Variants in NR3C2 observed in about 807,000 individuals in gnomAD.
NR3C2 encodes mineralocorticoid receptor.
Under a neutral mutation model 86.4 loss-of-function variants are expected in NR3C2, and 15 were observed. The ratio of observed to expected loss-of-function variants is 0.17; its 90% CI spans 0.12 to 0.27. The LOEUF (loss-of-function observed/expected upper bound fraction) is 0.27, where lower values mean the gene tolerates loss of function less well. Ranked by LOEUF, NR3C2 falls within the 10% of genes least tolerant of loss-of-function variation. The probability of loss-of-function intolerance (pLI) is 1.00; values close to 1 mark genes in which losing one functional copy is unlikely to be tolerated. For missense variants in NR3C2, 960 were observed against 1,195.6 expected, an observed-to-expected ratio of 0.80 and a Z score of 2.91; for synonymous variants, 458 against 450.5, an observed-to-expected ratio of 1.02 and a Z score of -0.21.
At chr4:148,397,422 T>C (rs1291320288) in intron 2 of NR3C2, among the ~76,000 whole-genome samples, 1 of 152,230 alleles carries the variant, frequency 6.6e-6, no homozygotes, top group Non-Finnish European at 1.5e-5. Context: ...CTAAGAACTA[T>C]GAGGCCTTTG....
chr4:148,235,488 T>C (rs3910045), intron 3 of NR3C2, among the ~76,000 whole-genome samples: 144,026 of 152,112 alleles, frequency 0.95, 68,679 homozygotes, highest in East Asian at 1. Flanking sequence ...AAGCTTTTCA[T>C]AAAAATAAGA....
intron 8 of NR3C2, among the ~76,000 whole-genome samples, chr4:148,091,333 C>T (rs968918315): frequency 6.6e-6 from 1 of 152,248 alleles, no homozygotes; most frequent in Admixed American, 6.5e-5. Flanking sequence ...CAACCCTGGC[C>T]TGCTACAGCC....
chr4:148,367,196 G>T (rs1320190718), intron 2 of NR3C2, among the ~76,000 whole-genome samples: 1 of 152,106 alleles, frequency 6.6e-6, no homozygotes, highest in African/African-American at 2.4e-5. Context: ...TAATAAAGTG[G>T]ATTTGTCATG....
At chr4:148,125,546 TA>T (rs1211969208) in intron 6 of NR3C2, among the ~76,000 whole-genome samples, 3 of 152,242 alleles carry the variant, frequency 2.0e-5, no homozygotes, top group African/African-American at 7.2e-5. Context: ...TTGCACCTTT[TA>T]AAAACATTTC....
At chr4:148,370,296 G>A (rs1338337735) in intron 2 of NR3C2, among the ~76,000 whole-genome samples, 4 of 152,114 alleles carry the variant, frequency 2.6e-5, no homozygotes, top group Non-Finnish European at 5.9e-5. Context: ...CAAATTTTCT[G>A]TCTACTGAAT....
At chr4:148,103,164 C>T (rs1384762741) in intron 8 of NR3C2, among the ~76,000 whole-genome samples, 2 of 152,212 alleles carry the variant, frequency 1.3e-5, no homozygotes, top group African/African-American at 2.4e-5. Flanking sequence ...AGTCTTTTCC[C>T]TTGCCTCATG....
chr4:148,293,840 C>T (rs1741910300), intron 2 of NR3C2, among the ~76,000 whole-genome samples: 1 of 152,122 alleles, frequency 6.6e-6, no homozygotes, highest in South Asian at 2.1e-4. Flanking sequence ...AAAGTCTTCC[C>T]AGAAACAAGA....
At chr4:148,231,053 T>C (rs1733806519) in intron 3 of NR3C2, among the ~76,000 whole-genome samples, 1 of 152,218 alleles carries the variant, frequency 6.6e-6, no homozygotes, top group Non-Finnish European at 1.5e-5. Context: ...GATGCTTAGG[T>C]CCTACTTGTC....
chr4:148,159,758 A>C (rs968369152), intron 4 of NR3C2, among the ~76,000 whole-genome samples: 1 of 152,220 alleles, frequency 6.6e-6, no homozygotes, highest in Admixed American at 6.5e-5. Flanking sequence ...CCAAGTGTGT[A>C]ATTAAGATGT....
intron 2 of NR3C2, among the ~76,000 whole-genome samples, chr4:148,361,487 T>A (rs369923327): frequency 6.6e-6 from 1 of 152,182 alleles, no homozygotes; most frequent in East Asian, 1.9e-4. Context: ...GCTCTGTAAG[T>A]TACTGCCCTT....
chr4:148,289,143 GT>G (rs1741676020), intron 2 of NR3C2, among the ~76,000 whole-genome samples: 1 of 151,942 alleles, frequency 6.6e-6, no homozygotes, highest in South Asian at 2.1e-4. Flanking sequence ...TGCAATAATT[GT>G]TAATTTTCTT....
intron 2 of NR3C2, among the ~76,000 whole-genome samples, chr4:148,384,111 G>A (rs1446048770): frequency 6.6e-6 from 1 of 151,954 alleles, no homozygotes; most frequent in East Asian, 1.9e-4. Context: ...ACTCTACTTG[G>A]CATCTAGTTT....
At chr4:148,171,481 G>A (rs77500084) in intron 4 of NR3C2, among the ~76,000 whole-genome samples, 3 of 152,296 alleles carry the variant, frequency 2.0e-5, no homozygotes, top group East Asian at 1.9e-4. Flanking sequence ...CTTGGACAGC[G>A]ATGGGGAGGA....
At chr4:148,133,588 TA>T in intron 6 of NR3C2, among the ~76,000 whole-genome samples, 1 of 152,210 alleles carries the variant, frequency 6.6e-6, no homozygotes, top group East Asian at 1.9e-4. Flanking sequence ...CCTACTACAA[TA>T]AAAGATTTGT....
In NR3C2 at chr4:148,136,460, G is replaced by C. The variant is rs189006930; in HGVS notation, c.2510+16009C>G. Among the ~76,000 whole-genome samples the C allele has an allele frequency of 4.6e-5, 7 of 152,098 alleles. No individual in the cohort carries two copies. The East Asian group carries it at 9.7e-4, about 21-fold the overall frequency. On this transcript the variant is annotated intron_variant, in intron 6 of 8. Coordinates refer to ENST00000358102, the MANE Select transcript of NR3C2 (RefSeq NM_000901.5). Reference sequence around the variant, plus strand: ...TGCAGTTCTTTGGGCCCTGTGGTTTGACAGCTTCAACTCTGGATTGCAGAG... The same window carrying C: ...TGCAGTTCTTTGGGCCCTGTGGTTTCACAGCTTCAACTCTGGATTGCAGAG...
At chr4:148,202,074 A>G (rs966000290) in intron 3 of NR3C2, among the ~76,000 whole-genome samples, 4 of 152,220 alleles carry the variant, frequency 2.6e-5, no homozygotes, top group Admixed American at 6.5e-5. Flanking sequence ...CCAAAATTTT[A>G]TGTTTTAAAA....
intron 2 of NR3C2, among the ~76,000 whole-genome samples, chr4:148,272,227 A>G (rs562374994): frequency 1.2e-4 from 19 of 152,334 alleles, no homozygotes; most frequent in African/African-American, 3.8e-4. Flanking sequence ...TAATATATAC[A>G]TTAACTTCTA....
At chr4:148,141,417 ATCTCTC>A (rs150410024) in intron 6 of NR3C2, among the ~76,000 whole-genome samples, 2 of 146,718 alleles carry the variant, frequency 1.4e-5, no homozygotes, top group Non-Finnish European at 3.0e-5. Context: ...GTGAGACTCC[ATCTCTC>A]TCTCTCTCTC....
chr4:148,339,590 A>G (rs899832985), intron 2 of NR3C2, among the ~76,000 whole-genome samples: 2 of 152,206 alleles, frequency 1.3e-5, no homozygotes, highest in Admixed American at 6.6e-5. Flanking sequence ...CTTAAAATGC[A>G]TAATGAACTA....
Sources: allele counts gnomAD v4.1 joint callset (sites outside exome capture counted in the v4.1 genomes callset), GRCh38; gene constraint gnomAD v4.1.1; transcripts MANE v1.5; gene names NCBI Gene and HGNC (gene_info 2026-07-23, HGNC 2026-07-21).